NXPH2: variants seen among roughly 807,000 people sequenced by gnomAD.
NXPH2 encodes the protein neurexophilin 2, also known as neurexophilin-2.
In NXPH2, 5 loss-of-function variants were observed where a neutral mutation model predicts 19.8. That is an observed-to-expected ratio of 0.25 (90% CI 0.13 to 0.53). The LOEUF (loss-of-function observed/expected upper bound fraction) is 0.53. Among genes scored for constraint, NXPH2 ranks in the 20% least tolerant of loss-of-function variants. The pLI, the probability that NXPH2 is intolerant of heterozygous loss-of-function variation, is 0.96. For synonymous variants in NXPH2, 154 were observed against 127.4 expected, an observed-to-expected ratio of 1.21 and a Z score of -1.41; for missense variants, 289 against 322.8, an observed-to-expected ratio of 0.90 and a Z score of 0.80.
At chr2:138,699,903 G>T (rs767628718) in intron 1 of NXPH2, among the ~76,000 whole-genome samples, 1 of 152,192 alleles carries the variant, frequency 6.6e-6, no homozygotes, top group Admixed American at 6.5e-5. Flanking sequence ...TATAAGTCGA[G>T]GCTTGTGTGT....
At chr2:138,674,112 G>T (rs763392498) in intron 1 of NXPH2, among the ~76,000 whole-genome samples, 1 of 151,774 alleles carries the variant, frequency 6.6e-6, no homozygotes, top group Admixed American at 6.6e-5. Context: ...AGAATAGCTA[G>T]GAATACAGGT....
Position 138,669,622 on chromosome 2 carries a change from A to T in NXPH2, c.*1300T>A, listed in dbSNP as rs1408386178. Among the ~76,000 whole-genome samples, 1 of 152,200 alleles carries T rather than the reference A, an allele frequency of 6.6e-6. No individual in the cohort carries two copies. The highest frequency in any genetic ancestry group is 1.5e-5 in the Non-Finnish European group (1 of 68,026). The stretch of plus-strand genomic sequence containing the variant: ...GATAAGAAGGGAGAAAGAAGTTAAC[A>T]TCTATTGTAAAAGGAGTGACCATTC... On this transcript the variant is annotated 3_prime_UTR_variant, in exon 2 of 2. Coordinates refer to ENST00000272641, the MANE Select transcript of NXPH2 (RefSeq NM_007226.3).
At chr2:138,776,405 T>A (rs1369851997) in intron 1 of NXPH2, among the ~76,000 whole-genome samples, 2 of 152,042 alleles carry the variant, frequency 1.3e-5, no homozygotes, top group African/African-American at 4.8e-5. Flanking sequence ...CATTTTTCTG[T>A]ATGGAAGGCA....
At chr2:138,767,426 C>T (rs1682108339) in intron 1 of NXPH2, among the ~76,000 whole-genome samples, 1 of 152,258 alleles carries the variant, frequency 6.6e-6, no homozygotes, top group Non-Finnish European at 1.5e-5. Context: ...AGTAGCTCCC[C>T]TGAGACCCTT....
At chr2:138,718,410 C>A (rs987526874) in intron 1 of NXPH2, among the ~76,000 whole-genome samples, 1 of 152,058 alleles carries the variant, frequency 6.6e-6, no homozygotes, top group Non-Finnish European at 1.5e-5. Context: ...AACAAACAAA[C>A]AAAACCCTCT....
chr2:138,720,668 G>T (rs565266526), intron 1 of NXPH2, among the ~76,000 whole-genome samples: 1 of 152,204 alleles, frequency 6.6e-6, no homozygotes, highest in African/African-American at 2.4e-5. Context: ...GAGGAGCCAC[G>T]GCAGCACAGG....
At chr2:138,728,396 T>C (rs766806686) in intron 1 of NXPH2, among the ~76,000 whole-genome samples, 11 of 152,206 alleles carry the variant, frequency 7.2e-5, no homozygotes, top group Non-Finnish European at 1.3e-4. Context: ...ATGGCAGCCC[T>C]AGAAGACTAA....
chr2:138,701,050 A>G (rs1680914584), intron 1 of NXPH2, among the ~76,000 whole-genome samples: 1 of 152,180 alleles, frequency 6.6e-6, no homozygotes, highest in South Asian at 2.1e-4. Flanking sequence ...AAAACTATTC[A>G]TGATAATACC....
intron 1 of NXPH2, among the ~76,000 whole-genome samples, chr2:138,727,651 C>A (rs369789213): frequency 2.3e-5 from 3 of 127,820 alleles, no homozygotes; most frequent in African/African-American, 6.2e-5. Context: ...AGTCCTTTAT[C>A]GGTGCGGGGG....
chr2:138,707,104 A>AC (rs1245835231), intron 1 of NXPH2, among the ~76,000 whole-genome samples: 1 of 146,354 alleles, frequency 6.8e-6, no homozygotes, highest in African/African-American at 2.5e-5. Flanking sequence ...CAAAAAAAAA[A>AC]AAAAAAAAGA....
chr2:138,701,867 G>A (rs541729953), intron 1 of NXPH2, among the ~76,000 whole-genome samples: 6 of 152,234 alleles, frequency 3.9e-5, no homozygotes, highest in African/African-American at 1.2e-4. Context: ...TAGGTGGGAA[G>A]ACTCTAGATA....
intron 1 of NXPH2, among the ~76,000 whole-genome samples, chr2:138,756,693 T>C (rs1338648937): frequency 6.6e-6 from 1 of 152,160 alleles, no homozygotes; most frequent in Non-Finnish European, 1.5e-5. Context: ...ACTGATATAA[T>C]AATAGCAACT....
intron 1 of NXPH2, among the ~76,000 whole-genome samples, chr2:138,704,744 A>G (rs1457322570): frequency 6.6e-6 from 1 of 151,842 alleles, no homozygotes; most frequent in East Asian, 1.9e-4. Context: ...TGCAGCCTGA[A>G]CTCCTCGGCT....
intron 1 of NXPH2, among the ~76,000 whole-genome samples, chr2:138,738,424 C>A (rs1057258063): frequency 6.6e-6 from 1 of 152,120 alleles, no homozygotes; most frequent in African/African-American, 2.4e-5. Flanking sequence ...AAATTTTCAT[C>A]TCCCCTTATT....
At chr2:138,707,111 A>AAAAAAAAAAAAAAAAAAAAAAAAAAC in intron 1 of NXPH2, among the ~76,000 whole-genome samples, 2 of 149,012 alleles carry the variant, frequency 1.3e-5, no homozygotes, top group South Asian at 2.1e-4. Context: ...AAAAAAAAAA[A>AAAAAAAAAAAAAAAAAAAAAAAAAAC]AGAGCAAGAA....
At chr2:138,752,343 G>A (rs561212463) in intron 1 of NXPH2, among the ~76,000 whole-genome samples, 3 of 152,186 alleles carry the variant, frequency 2.0e-5, no homozygotes, top group African/African-American at 7.2e-5. Context: ...TAACAACGGA[G>A]AATTCAGGAG....
chr2:138,701,652 T>G (rs1288707783), intron 1 of NXPH2, among the ~76,000 whole-genome samples: 5 of 152,210 alleles, frequency 3.3e-5, no homozygotes, highest in Non-Finnish European at 4.4e-5. Context: ...AGACCCTGGT[T>G]GTCTAATTAC....
intron 1 of NXPH2, among the ~76,000 whole-genome samples, chr2:138,731,287 G>GA (rs781169146): frequency 6.6e-6 from 1 of 151,908 alleles, no homozygotes; most frequent in Non-Finnish European, 1.5e-5. Context: ...GTTCTTGTTA[G>GA]AAAAAAATCA....
intron 1 of NXPH2, among the ~76,000 whole-genome samples, chr2:138,755,134 T>C (rs756221768): frequency 2.6e-5 from 4 of 152,126 alleles, no homozygotes; most frequent in Non-Finnish European, 5.9e-5. Context: ...CATATATATC[T>C]CAGTATACGG....
Sources: allele counts gnomAD v4.1 joint callset (sites outside exome capture counted in the v4.1 genomes callset), GRCh38; gene constraint gnomAD v4.1.1; transcripts MANE v1.5; gene names NCBI Gene and HGNC (gene_info 2026-07-23, HGNC 2026-07-21).